TIA1: variants seen among roughly 807,000 people sequenced by gnomAD.
TIA1 encodes the protein TIA1 cytotoxic granule associated RNA binding protein.
Under a neutral mutation model 65.9 loss-of-function variants are expected in TIA1, and 23 were observed. The observed-to-expected ratio is 0.35, with a 90% CI of 0.25 to 0.49. TIA1 has a LOEUF of 0.49. Ranked by LOEUF, TIA1 falls within the 20% of genes least tolerant of loss-of-function variation. TIA1 has a pLI of 0.98. For synonymous variants in TIA1, 147 were observed against 149.4 expected, an observed-to-expected ratio of 0.98 and a Z score of 0.12; for missense variants, 371 against 477.9, an observed-to-expected ratio of 0.78 and a Z score of 2.09.
At chr2:70,222,145 AAAC>A (rs1232769645) in intron 7 of TIA1, among the ~76,000 whole-genome samples, 48 of 136,252 alleles carry the variant, frequency 3.5e-4, no homozygotes, top group South Asian at 1.2e-3. Context: ...CAAAACAAAC[AAAC>A]AAAAAAAAAA....
intron 1 of TIA1, among the ~76,000 whole-genome samples, chr2:70,236,967 A>G (rs554825080): frequency 9.8e-5 from 15 of 152,290 alleles, no homozygotes; most frequent in Admixed American, 9.2e-4. Context: ...CTTATTCTCC[A>G]TCGGTTTCTA....
Position 70,222,076 on chromosome 2 carries a change from G to A in TIA1, c.474+2478C>T, listed in dbSNP as rs535576783. On this transcript the variant is annotated intron_variant, in intron 7 of 12. Transcript: ENST00000433529. ...ATTACAGGTGTGAGCCACTGTGCCC[G>A]GCCACACTGTATACTTGAATTATAT... Among the ~76,000 whole-genome samples the A allele has an allele frequency of 4.0e-4, 61 of 151,924 alleles. 2 individuals carry two copies. In the South Asian group the frequency reaches 7.5e-3, roughly 19 times the overall value.
intron 4 of TIA1, 37 bp downstream of exon 4, chr2:70,229,227 T>C: frequency 6.2e-7 from 1 of 1,611,888 alleles, no homozygotes. Flanking sequence ...CTGGGTACAA[T>C]AAAAACAAAT....
intron 7 of TIA1, among the ~76,000 whole-genome samples, chr2:70,217,559 G>A (rs965078846): frequency 1.3e-5 from 2 of 152,102 alleles, no homozygotes; most frequent in Admixed American, 6.6e-5. Flanking sequence ...CACCACGCCT[G>A]GCTCATTTTT....
chr2:70,227,131 AT>A, intron 6 of TIA1, among the ~76,000 whole-genome samples: 1 of 152,256 alleles, frequency 6.6e-6, no homozygotes, highest in South Asian at 2.1e-4. Flanking sequence ...GCTTTTCAAA[AT>A]TTTAAAGTTC....
chr2:70,224,925 A>T (rs2104301990), intron 6 of TIA1: 16 of 1,116,856 alleles, frequency 1.4e-5, no homozygotes, highest in Non-Finnish European at 1.6e-5. Flanking sequence ...AGCTACTCAC[A>T]TGAACTACTT....
intron 1 of TIA1, among the ~76,000 whole-genome samples, chr2:70,243,075 T>G (rs1187631415): frequency 2.6e-5 from 4 of 152,264 alleles, no homozygotes; most frequent in Non-Finnish European, 5.9e-5. Context: ...TAGAAAATTC[T>G]CTCATTTTGC....
chr2:70,224,595 T>C lies in TIA1; in HGVS notation c.433A>G (p.Lys145Glu). 1 of 1,614,016 alleles carries C rather than the reference T, an allele frequency of 6.2e-7. No homozygotes were observed. The highest frequency in any genetic ancestry group is 1.1e-5 in the South Asian group (1 of 91,074). ...GAGACAAAGCCATATCCCTTAGACT[T>C]TCCTGTTGCCATGTCTTTTACCACT... ...ARVVKDMATG[K>E]SKGYGFVSFF... Residue 145 changes from lysine (K) to glutamate (E), a missense_variant, in exon 7 of 13, where the codon AAG becomes GAG. By Grantham distance (56) the Lys-to-Glu change is moderately conservative. Coordinates refer to ENST00000433529, the MANE Select transcript of TIA1 (RefSeq NM_022173.4).
chr2:70,232,229 A>G (rs1198710926), intron 2 of TIA1, among the ~76,000 whole-genome samples: 2 of 148,522 alleles, frequency 1.3e-5, no homozygotes, highest in African/African-American at 4.9e-5. Context: ...AAAAAAAGAA[A>G]AAAGAAAAAA....
At chr2:70,230,191 T>G (rs1427912483) in intron 3 of TIA1, among the ~76,000 whole-genome samples, 13 of 135,514 alleles carry the variant, frequency 9.6e-5, no homozygotes, top group Admixed American at 9.4e-4. Flanking sequence ...TGCAGTGAGC[T>G]GAGATCGCGC....
rs759468158 is a variant in TIA1 at position 70,216,511 on chromosome 2, A to T, written c.584-12T>A. 2 of 1,607,080 alleles carry T rather than the reference A, an allele frequency of 1.2e-6. No homozygotes were observed. The highest frequency in any genetic ancestry group is 2.7e-5 in the African/African-American group (2 of 74,714). On this transcript the variant is annotated splice_polypyrimidine_tract_variant and intron_variant, in intron 8 of 12. Coordinates refer to ENST00000433529, the MANE Select transcript of TIA1 (RefSeq NM_022173.4). ...CTGTTTGGTATTTGCTGGTGAGAGA[A>T]AAGGTTTATGTCTTTAATTCATTAA...
At chr2:70,236,497 T>TA (rs1446080749) in intron 1 of TIA1, among the ~76,000 whole-genome samples, 3 of 144,486 alleles carry the variant, frequency 2.1e-5, no homozygotes, top group African/African-American at 7.6e-5. Context: ...CTGCACCCGG[T>TA]TTTTTTTTTT....
At chr2:70,233,656 C>G (rs1687512124) in intron 2 of TIA1, among the ~76,000 whole-genome samples, 1 of 151,838 alleles carries the variant, frequency 6.6e-6, no homozygotes, top group African/African-American at 2.4e-5. Flanking sequence ...ATCCCAGCTA[C>G]TTAGGAGGCT....
At chr2:70,216,009 CCCAAAGTGCTGGGAATACAGGCGTGAG>C (rs1177557539) in intron 10 of TIA1, 172 bp downstream of exon 10, 1 of 541,994 alleles carries the variant, frequency 1.8e-6, no homozygotes, top group Non-Finnish European at 3.2e-6. Flanking sequence ...GTCTCGGCCT[CCCAAAGTGCTGGGAATACAGGCGTGAG>C]CCACCGCACC....
intron 1 of TIA1, among the ~76,000 whole-genome samples, chr2:70,247,820 T>C (rs1314191746): frequency 6.6e-6 from 1 of 151,970 alleles, no homozygotes; most frequent in Admixed American, 6.6e-5. Flanking sequence ...CGGTGGGTGC[T>C]ACAGAAGGAA....
chr2:70,229,599 T>G (rs530168578), intron 3 of TIA1, among the ~76,000 whole-genome samples: 1 of 152,292 alleles, frequency 6.6e-6, no homozygotes, highest in East Asian at 1.9e-4. Context: ...CATCCAAGCT[T>G]GAGTAATTCA....
Position 70,230,805 on chromosome 2 carries a change from T to C in TIA1, c.173A>G (p.His58Arg), listed in dbSNP as rs754441686. Reference sequence around the variant, plus strand: ...CATAGCAGCTAATGCTGCAGCTGCATGACGATGCTCATGAAACTCCACAAA... The same window carrying C: ...CATAGCAGCTAATGCTGCAGCTGCACGACGATGCTCATGAAACTCCACAAA... ...YCFVEFHEHR[H>R]AAAALAAMNG... is the part of the protein sequence containing the mutation. Residue 58 changes from histidine (H) to arginine (R), a missense_variant, in exon 3 of 13, where the codon CAT becomes CGT. His to Arg is a conservative substitution (Grantham distance 29). Transcript: ENST00000433529. 1.2e-6 allele frequency: 2 copies of C among 1,612,974 alleles called. No individual in the cohort carries two copies. Among genetic ancestry groups the C allele is most frequent in the Non-Finnish European group, 1.7e-6 (2 of 1,179,704 alleles).
rs559272669 is a variant in TIA1 at position 70,232,335 on chromosome 2, G to GT, written c.124-1482dup. Among the ~76,000 whole-genome samples, 642 of 151,620 alleles carry GT rather than the reference G, an allele frequency of 4.2e-3. 2 individuals carry two copies. The highest frequency in any genetic ancestry group is 0.015 in the South Asian group (74 of 4,802). On this transcript the variant is annotated intron_variant, in intron 2 of 12. Coordinates refer to ENST00000433529, the MANE Select transcript of TIA1 (RefSeq NM_022173.4). ...GTGGGCTGATCACCTGAGGTCAGGA[G>GT]TTTGAGACCAGCCTGACCAACATGG... is the stretch of plus-strand genomic sequence containing the variant.
At position 70,221,594 on chromosome 2, in the gene TIA1, G is replaced by C. The variant is rs373172920; in HGVS notation, c.474+2960C>G. 7.2e-5 allele frequency among the ~76,000 whole-genome samples: 11 copies of C among 152,212 alleles called. No homozygotes were observed. The East Asian group carries it at 1.9e-3, about 27-fold the overall frequency. On this transcript the variant is annotated intron_variant, in intron 7 of 12. Coordinates refer to ENST00000433529, the MANE Select transcript of TIA1 (RefSeq NM_022173.4). ...TGATTCCATTTATAGGAAATGTTGAGAACAGGGAAATCTACAGAGACAGAA... is the reference window on the plus strand; with the variant it reads ...TGATTCCATTTATAGGAAATGTTGACAACAGGGAAATCTACAGAGACAGAA...
Sources: allele counts gnomAD v4.1 joint callset (sites outside exome capture counted in the v4.1 genomes callset), GRCh38; gene constraint gnomAD v4.1.1; transcripts MANE v1.5; gene names NCBI Gene and HGNC (gene_info 2026-07-23, HGNC 2026-07-21).